The following PRKAG2 variants were observed in gnomAD, a reference collection of about 807,000 sequenced individuals.
The protein encoded by PRKAG2 is protein kinase AMP-activated non-catalytic subunit gamma 2.
A neutral mutation model predicts 69.6 loss-of-function variants in PRKAG2; 26 were observed. That is an observed-to-expected ratio of 0.37 (90% confidence interval 0.27 to 0.52). PRKAG2 has a LOEUF of 0.52. PRKAG2 is among the 20% of genes least tolerant of loss of function. PRKAG2 has a pLI of 0.90. For missense variants in PRKAG2, 557 were observed against 740.0 expected, an observed-to-expected ratio of 0.75 and a Z score of 2.87; for synonymous variants, 293 against 285.0, an observed-to-expected ratio of 1.03 and a Z score of -0.28.
intron 1 of PRKAG2, among the ~76,000 whole-genome samples, chr7:151,845,537 AG>A (rs1232407894): frequency 6.6e-5 from 10 of 152,088 alleles, no homozygotes; most frequent in Non-Finnish European, 1.3e-4. Flanking sequence ...ATTGTTGAGG[AG>A]GGAGGAAGCG....
intron 3 of PRKAG2, among the ~76,000 whole-genome samples, chr7:151,733,117 T>G (rs576658202): frequency 6.6e-6 from 1 of 152,230 alleles, no homozygotes; most frequent in African/African-American, 2.4e-5. Flanking sequence ...CCTCACTCAG[T>G]GTATCCACGC....
intron 3 of PRKAG2, among the ~76,000 whole-genome samples, chr7:151,755,338 T>C (rs747820988): frequency 2.6e-5 from 4 of 152,064 alleles, no homozygotes; most frequent in Admixed American, 6.6e-5. Flanking sequence ...CTAGGGGACA[T>C]GCTCAGCATC....
At chr7:151,805,909 T>C (rs537846229) in intron 1 of PRKAG2, among the ~76,000 whole-genome samples, 2 of 152,290 alleles carry the variant, frequency 1.3e-5, no homozygotes, top group South Asian at 4.1e-4. Context: ...GTGACAAAGT[T>C]TAGGACAGGC....
At chr7:151,782,335 A>T (rs13243779) in intron 2 of PRKAG2, among the ~76,000 whole-genome samples, 1 of 27,408 alleles carries the variant, frequency 3.6e-5, no homozygotes, top group Non-Finnish European at 7.5e-5. Context: ...GAAGGAAGGA[A>T]GGAAGGAGGG....
rs11386133 is a variant in PRKAG2 at position 151,751,098 on chromosome 7, C to CTTTTT, written c.466+30049_466+30053dup. On this transcript the variant is annotated intron_variant, in intron 3 of 15. Coordinates refer to ENST00000287878, the MANE Select transcript of PRKAG2 (RefSeq NM_016203.4). ...TTTTGCCATACTGATTCAAAGATTC[C>CTTTTT]TTTTTTTTTTTTTTTTTGAGACGGA... 3.8e-5 allele frequency among the ~76,000 whole-genome samples: 5 copies of CTTTTT among 130,908 alleles called. 1 individual carries two copies. Among genetic ancestry groups the CTTTTT allele is most frequent in the African/African-American group, 1.5e-4 (5 of 34,062 alleles). 85.9% of individuals were successfully genotyped at this position (130,908 alleles called of 152,430 possible). A position where few individuals can be genotyped will look rare whatever the true frequency, so the allele number is the denominator to read the frequency against.
chr7:151,607,320 C>G (rs1817745417), intron 5 of PRKAG2, among the ~76,000 whole-genome samples: 1 of 152,140 alleles, frequency 6.6e-6, no homozygotes, highest in Non-Finnish European at 1.5e-5. Context: ...CTCACTCTGC[C>G]ACCCAGGATG....
intron 3 of PRKAG2, among the ~76,000 whole-genome samples, chr7:151,726,862 T>C (rs999010626): frequency 5.9e-5 from 9 of 152,138 alleles, no homozygotes; most frequent in Admixed American, 2.6e-4. Context: ...GCTTACACTT[T>C]AGCAAACTTT....
chr7:151,796,046 A>G (rs560583691), intron 1 of PRKAG2, among the ~76,000 whole-genome samples: 12 of 151,452 alleles, frequency 7.9e-5, no homozygotes, highest in African/African-American at 2.9e-4. Context: ...GTATACATAT[A>G]TTAAGAAAAA....
chr7:151,725,856 C>T (rs1050345142), intron 3 of PRKAG2, among the ~76,000 whole-genome samples: 6 of 152,248 alleles, frequency 3.9e-5, no homozygotes, highest in South Asian at 2.1e-4. Context: ...CACTGCACCT[C>T]GAAATCCCGG....
chr7:151,704,831 G>A (rs188113708), intron 3 of PRKAG2, among the ~76,000 whole-genome samples: 1 of 152,308 alleles, frequency 6.6e-6, no homozygotes, highest in East Asian at 1.9e-4. Flanking sequence ...GCCAAGGGAG[G>A]CACAGGGAGA....
rs117962519 is a variant in PRKAG2 at position 151,643,990 on chromosome 7, G to A, written c.685-11852C>T. Among the ~76,000 whole-genome samples, 980 of 152,308 alleles carry A rather than the reference G, an allele frequency of 6.4e-3. 6 individuals are homozygous for A. The highest frequency in any genetic ancestry group is 9.8e-3 in the Non-Finnish European group (669 of 68,036). Reference sequence around the variant, plus strand: ...GTGAAGTAATTCAGGAATGGAAAACGAAACATTGTGTGTTCTCACTGATAT... The same window carrying A: ...GTGAAGTAATTCAGGAATGGAAAACAAAACATTGTGTGTTCTCACTGATAT... On this transcript the variant is annotated intron_variant, in intron 4 of 15. Coordinates refer to ENST00000287878, the MANE Select transcript of PRKAG2 (RefSeq NM_016203.4).
At chr7:151,597,105 G>C (rs1256094797) in intron 5 of PRKAG2, among the ~76,000 whole-genome samples, 3 of 152,116 alleles carry the variant, frequency 2.0e-5, no homozygotes, top group Non-Finnish European at 4.4e-5. Context: ...GAATTAGAAA[G>C]CCCAGAAATA....
chr7:151,593,266 C>T (rs923354570), intron 6 of PRKAG2, among the ~76,000 whole-genome samples: 1 of 152,342 alleles, frequency 6.6e-6, no homozygotes, highest in Admixed American at 6.5e-5. Context: ...CGGCTCACTG[C>T]AGCCTCCGCC....
chr7:151,858,850 T>C (rs949791846), intron 1 of PRKAG2, among the ~76,000 whole-genome samples: 13 of 152,116 alleles, frequency 8.5e-5, no homozygotes, highest in African/African-American at 2.7e-4. Context: ...GGAGGGACCA[T>C]AAAGATGAAC....
intron 5 of PRKAG2, among the ~76,000 whole-genome samples, chr7:151,618,411 C>A (rs527717854): frequency 6.6e-6 from 1 of 151,014 alleles, no homozygotes; most frequent in Non-Finnish European, 1.5e-5. Context: ...CGAGATCATG[C>A]CACTGCACTC....
intron 6 of PRKAG2, among the ~76,000 whole-genome samples, chr7:151,581,479 A>G (rs1317379617): frequency 2.0e-5 from 3 of 152,236 alleles, no homozygotes; most frequent in East Asian, 3.8e-4. Context: ...CAGTGGACAC[A>G]TTTCTAGAAG....
intron 3 of PRKAG2, among the ~76,000 whole-genome samples, chr7:151,776,645 T>C (rs1192317588): frequency 3.3e-5 from 5 of 152,082 alleles, no homozygotes; most frequent in South Asian, 2.1e-4. Flanking sequence ...ACTTCTGCCA[T>C]AGGAAAAAAG....
At chr7:151,584,826 A>G (rs557175747) in intron 6 of PRKAG2, among the ~76,000 whole-genome samples, 50 of 152,314 alleles carry the variant, frequency 3.3e-4, no homozygotes, top group African/African-American at 1.1e-3. Context: ...GAGCCCAGGA[A>G]CTGGGGGCTG....
intron 3 of PRKAG2, among the ~76,000 whole-genome samples, chr7:151,713,454 T>A (rs2151613787): frequency 6.6e-6 from 1 of 152,000 alleles, no homozygotes; most frequent in South Asian, 2.1e-4. Flanking sequence ...TATTTTCTTT[T>A]TTTACTTTTT....
Sources: gnomAD v4.1 joint callset for allele counts (sites outside exome capture counted in the v4.1 genomes callset) on GRCh38, gnomAD v4.1.1 for gene constraint, MANE v1.5 for transcripts, NCBI Gene and HGNC (gene_info 2026-07-23, HGNC 2026-07-21) for gene names.